The following SNX29 variants were observed in gnomAD, a reference collection of about 807,000 sequenced individuals.
SNX29 encodes the protein sorting nexin 29.
Under a neutral mutation model 102.1 loss-of-function variants are expected in SNX29, and 78 were observed. The observed-to-expected ratio is 0.76, with a 90% CI of 0.64 to 0.92. The LOEUF is 0.92. Among genes scored for constraint, SNX29 ranks in the 40% least tolerant of loss-of-function variants. The pLI is 0.00. For missense variants in SNX29, 1,280 were observed against 1,061.7 expected (o/e 1.21, Z -2.86); for synonymous variants, 580 against 414.5 (o/e 1.40, Z -4.85).
chr16:12,174,930 TAAAA>T (rs56227397), intron 13 of SNX29, among the ~76,000 whole-genome samples: 1 of 148,906 alleles, frequency 6.7e-6, no homozygotes, highest in African/African-American at 2.5e-5. Context: ...TTATTACTAT[TAAAA>T]AAAAAACAAC....
chr16:12,025,146 A>G (rs1285309300), intron 3 of SNX29, among the ~76,000 whole-genome samples: 3 of 152,016 alleles, frequency 2.0e-5, no homozygotes, highest in Non-Finnish European at 2.9e-5. Flanking sequence ...TACTAAAAAT[A>G]CAAACATTAG....
chr16:12,181,895 T>C (rs1049949526), intron 13 of SNX29, among the ~76,000 whole-genome samples: 5 of 151,918 alleles, frequency 3.3e-5, no homozygotes, highest in African/African-American at 1.2e-4. Context: ...TTTTTTTTTT[T>C]TTTCTGGAGA....
At chr16:12,550,516 C>T (rs984094977) in intron 20 of SNX29, among the ~76,000 whole-genome samples, 1 of 137,156 alleles carries the variant, frequency 7.3e-6, no homozygotes, top group South Asian at 2.5e-4. Context: ...GTCTGGGAGA[C>T]ACAGTCTCAA....
At chr16:12,145,617 A>T (rs1037360775) in intron 13 of SNX29, among the ~76,000 whole-genome samples, 1 of 152,220 alleles carries the variant, frequency 6.6e-6, no homozygotes, top group Non-Finnish European at 1.5e-5. Flanking sequence ...TTTATTATTT[A>T]TGGGGCATTT....
chr16:11,986,207 C>A (rs1281526112), intron 1 of SNX29, among the ~76,000 whole-genome samples: 1 of 151,560 alleles, frequency 6.6e-6, no homozygotes, highest in African/African-American at 2.4e-5. Flanking sequence ...TTTTCCTTGC[C>A]CTGACTTTTT....
intron 14 of SNX29, among the ~76,000 whole-genome samples, chr16:12,229,863 C>G (rs1202546333): frequency 1.3e-5 from 2 of 152,132 alleles, no homozygotes; most frequent in Admixed American, 1.3e-4. Flanking sequence ...TCATACTGGT[C>G]TGGTTGGACT....
At position 12,211,547 on chromosome 16, in the gene SNX29, G is replaced by T. The variant is rs1035974991; in HGVS notation, c.1678+11864G>T. ...TTAGTCAGGGTTCTCCACAAAAGTG[G>T]ACCAATAGGGGTGTGTGTGTGTGTG... On this transcript the variant is annotated intron_variant, in intron 14 of 20. Transcript: ENST00000566228. 4.6e-5 allele frequency among the ~76,000 whole-genome samples: 7 copies of T among 152,072 alleles called. No homozygotes were observed. In the South Asian group the frequency reaches 1.5e-3, roughly 32 times the overall value.
intron 19 of SNX29, among the ~76,000 whole-genome samples, chr16:12,517,555 G>C (rs932670991): frequency 6.6e-6 from 1 of 152,116 alleles, no homozygotes; most frequent in Non-Finnish European, 1.5e-5. Context: ...GGTCTGCCTG[G>C]CCTTCCCTAA....
intron 4 of SNX29, among the ~76,000 whole-genome samples, chr16:12,032,617 T>C (rs2057376183): frequency 6.6e-6 from 1 of 152,166 alleles, no homozygotes; most frequent in Non-Finnish European, 1.5e-5. Flanking sequence ...CTATTGTGAA[T>C]GGTACTGCTG....
intron 4 of SNX29, among the ~76,000 whole-genome samples, chr16:12,040,423 C>G (rs2049832575): frequency 6.6e-6 from 1 of 152,064 alleles, no homozygotes; most frequent in African/African-American, 2.4e-5. Context: ...AATCTGTGTA[C>G]ATGTGGATAA....
intron 14 of SNX29, among the ~76,000 whole-genome samples, chr16:12,202,494 T>A (rs984839275): frequency 3.3e-5 from 5 of 152,212 alleles, no homozygotes; most frequent in Non-Finnish European, 7.3e-5. Context: ...TTCATGCTCT[T>A]CCTCCAGCAT....
intron 15 of SNX29, among the ~76,000 whole-genome samples, chr16:12,345,322 C>G (rs930132472): frequency 2.6e-5 from 4 of 152,148 alleles, no homozygotes; most frequent in Non-Finnish European, 5.9e-5. Context: ...TGTTCTAGTC[C>G]CTGTGGGCCT....
intron 15 of SNX29, among the ~76,000 whole-genome samples, chr16:12,323,558 G>C (rs1209858709): frequency 1.3e-5 from 2 of 151,846 alleles, no homozygotes; most frequent in Non-Finnish European, 2.9e-5. Flanking sequence ...AGCAGGCAAA[G>C]GCAGATGAGC....
rs58148692 is a variant in SNX29, at chr16:12,339,370, C to CAAAAAAAAAAAAAAAAA, written c.1783-16785_1783-16769dup. Among the ~76,000 whole-genome samples the CAAAAAAAAAAAAAAAAA allele has an allele frequency of 3.2e-4, 18 of 56,278 alleles. 1 individual carries two copies. The East Asian group carries it at 3.2e-3, about 10-fold the overall frequency. 36.9% of individuals were successfully genotyped at this position (56,278 alleles called of 152,430 possible). On this transcript the variant is annotated intron_variant, in intron 15 of 20. Transcript: ENST00000566228. ...TGGGCGACAGAGTGAGATTCTGTCT[C>CAAAAAAAAAAAAAAAAA]AAAAAAAAAAAAAAAAAAAAAAAAG...
In SNX29 at chr16:12,060,864, A is replaced by G. The variant is rs781759449; in HGVS notation, c.1125-664A>G. On this transcript the variant is annotated intron_variant, in intron 8 of 20. Coordinates refer to ENST00000566228, the MANE Select transcript of SNX29 (RefSeq NM_032167.5). ...GGGTAAGGTGACAGTATAACAGATCATATGAGCATGGTTAATAATTGAGCC... is the reference window on the plus strand; with the variant it reads ...GGGTAAGGTGACAGTATAACAGATCGTATGAGCATGGTTAATAATTGAGCC... 4 of 456,300 alleles carry G rather than the reference A, an allele frequency of 8.8e-6. 1 individual carries two copies. Among genetic ancestry groups the G allele is most frequent in the South Asian group, 6.2e-5 (4 of 64,570 alleles). The allele number at this position is 456,300 out of a possible 1,614,324, so 28.3% of individuals were successfully genotyped here. A position where few individuals can be genotyped will look rare whatever the true frequency, so the allele number is the denominator to read the frequency against.
chr16:12,088,680 G>A (rs761276157), intron 11 of SNX29, among the ~76,000 whole-genome samples: 2 of 152,254 alleles, frequency 1.3e-5, no homozygotes, highest in East Asian at 1.9e-4. Flanking sequence ...GGGCAGTGGC[G>A]CACGCCTGTA....
intron 19 of SNX29, among the ~76,000 whole-genome samples, chr16:12,522,974 C>G (rs2090156497): frequency 6.6e-6 from 1 of 152,150 alleles, no homozygotes; most frequent in South Asian, 2.1e-4. Flanking sequence ...CCGTGCCCGG[C>G]TACTTTTTTC....
At chr16:12,567,868 T>C (rs931681682) in intron 20 of SNX29, among the ~76,000 whole-genome samples, 1 of 152,174 alleles carries the variant, frequency 6.6e-6, no homozygotes, top group African/African-American at 2.4e-5. Flanking sequence ...CCCTAAAAAA[T>C]GTGCCGAGGG....
chr16:12,191,245 C>T (rs1361882271), intron 13 of SNX29, among the ~76,000 whole-genome samples: 1 of 152,170 alleles, frequency 6.6e-6, no homozygotes, highest in East Asian at 1.9e-4. Context: ...GCTTGCTCAC[C>T]GCTCACTCAC....
Sources: gnomAD v4.1 joint callset for allele counts (sites outside exome capture counted in the v4.1 genomes callset) on GRCh38, gnomAD v4.1.1 for gene constraint, MANE v1.5 for transcripts, NCBI Gene and HGNC (gene_info 2026-07-23, HGNC 2026-07-21) for gene names.